The following SNRPN variants were observed in gnomAD, a reference collection of about 807,000 sequenced individuals.
SNRPN encodes the protein small nuclear ribonucleoprotein polypeptide N.
A neutral mutation model predicts 25.2 loss-of-function variants in SNRPN; 7 were observed. The observed-to-expected ratio is 0.28, with a 90% CI of 0.16 to 0.52. SNRPN has a LOEUF of 0.52. SNRPN is among the 20% of genes least tolerant of loss of function. The pLI is 0.96. For missense variants in SNRPN, 196 were observed against 322.5 expected (o/e 0.61, Z 3.00); for synonymous variants, 124 against 110.6 (o/e 1.12, Z -0.76).
chr15:24,866,867 C>T (rs189564599), intron 1 of SNRPN, among the ~76,000 whole-genome samples: 10 of 151,396 alleles, frequency 6.6e-5, no homozygotes, highest in Non-Finnish European at 1.3e-4. Flanking sequence ...GACAGGATTT[C>T]CTTTTTATAT....
At chr15:24,909,313 G>A (rs1364789124) in intron 2 of SNRPN, 2 of 1,603,478 alleles carry the variant, frequency 1.2e-6, no homozygotes, top group African/African-American at 2.7e-5. Context: ...GGATAGACAA[G>A]CCTCCATCCA....
intron 3 of SNRPN, among the ~76,000 whole-genome samples, chr15:24,925,703 C>G (rs2152724182): frequency 6.6e-6 from 1 of 152,082 alleles, no homozygotes; most frequent in Admixed American, 6.5e-5. Context: ...CTCAGCCTCC[C>G]CAGTGGCTGG....
intron 2 of SNRPN, among the ~76,000 whole-genome samples, chr15:24,845,733 TA>T (rs991139442): frequency 1.3e-5 from 2 of 151,316 alleles, no homozygotes; most frequent in African/African-American, 2.4e-5. Flanking sequence ...TCTCAGTTTC[TA>T]AAAAAAATAT....
At chr15:24,840,413 T>G (rs1012731605) in intron 2 of SNRPN, among the ~76,000 whole-genome samples, 1 of 152,202 alleles carries the variant, frequency 6.6e-6, no homozygotes, top group Non-Finnish European at 1.5e-5. Flanking sequence ...AGGCAACTTA[T>G]GTGTCCAAGA....
At chr15:24,911,067 TTG>T in intron 2 of SNRPN, 1 of 1,512,916 alleles carries the variant, frequency 6.6e-7, no homozygotes, top group Admixed American at 1.8e-5. Context: ...GTGTTTCTTC[TTG>T]TGTTTCCTCT....
At chr15:24,921,817 G>T (rs1206390938) in intron 3 of SNRPN, among the ~76,000 whole-genome samples, 1 of 152,156 alleles carries the variant, frequency 6.6e-6, no homozygotes, top group Non-Finnish European at 1.5e-5. Context: ...TAAGTTACCA[G>T]TATTAGTCAC....
chr15:24,953,700 A>G (rs2062464031), upstream of SNRPN, among the ~76,000 whole-genome samples: 1 of 152,234 alleles, frequency 6.6e-6, no homozygotes, highest in Admixed American at 6.5e-5. Flanking sequence ...TCAATGAACT[A>G]TTAGAAATTG....
rs2050864758 is a variant in SNRPN at position 24,834,728 on chromosome 15, C to CT, written c.-579+4823_-579+4824insT. Among the ~76,000 whole-genome samples the CT allele has an allele frequency of 5.8e-4, 25 of 42,802 alleles. 3 individuals are homozygous for CT. The highest frequency in any genetic ancestry group is 1.9e-3 in the South Asian group (2 of 1,044). The allele number at this position is 42,802 out of a possible 152,430, so 28.1% of individuals were successfully genotyped here. A position where few individuals can be genotyped will look rare whatever the true frequency, so the allele number is the denominator to read the frequency against. On this transcript the variant is annotated intron_variant, in intron 2 of 12. Transcript: ENST00000400100. ...GAGTGAGACCTTGTCTCTCTCTCTC[C>CT]CTCTCTCTCTCTCTCTCTCTCTCTA...
chr15:24,890,597 T>C (rs771398246), intron 2 of SNRPN, among the ~76,000 whole-genome samples: 3 of 152,134 alleles, frequency 2.0e-5, no homozygotes, highest in African/African-American at 7.2e-5. Flanking sequence ...GAGAATCGCT[T>C]GAACCCAGGA....
In SNRPN at chr15:24,909,458, T is replaced by C. The variant is rs2059071220; in HGVS notation, c.-504-10553T>C. The stretch of plus-strand genomic sequence containing the variant: ...GTATTCATCGCCAGTCACCTCCACT[T>C]GGCCTTCATAGATCTTGTCCATGCC... On this transcript the variant is annotated intron_variant, in intron 2 of 11. Transcript: ENST00000400097. 4.6e-5 allele frequency: 73 copies of C among 1,585,990 alleles called. No homozygotes were observed. In the South Asian group the frequency reaches 7.5e-4, roughly 16 times the overall value.
chr15:24,955,862 C>T (rs2062771555), intron 1 of SNRPN, among the ~76,000 whole-genome samples: 1 of 151,300 alleles, frequency 6.6e-6, no homozygotes, highest in Non-Finnish European at 1.5e-5. Context: ...AGGCGGTGGG[C>T]ATGGCGGCCG....
chr15:24,856,972 G>A (rs2053458043), intron 1 of SNRPN, among the ~76,000 whole-genome samples: 1 of 151,998 alleles, frequency 6.6e-6, no homozygotes, highest in Non-Finnish European at 1.5e-5. Flanking sequence ...ACTTTTATTA[G>A]GAAAAGCAGA....
intron 3 of SNRPN, among the ~76,000 whole-genome samples, chr15:24,939,100 A>T (rs1351485660): frequency 6.6e-6 from 1 of 152,216 alleles, no homozygotes; most frequent in Non-Finnish European, 1.5e-5. Flanking sequence ...GAAGCTAAGA[A>T]AACCCAGAAC....
chr15:24,909,525 A>T (rs1323238121), intron 2 of SNRPN: 1 of 1,488,196 alleles, frequency 6.7e-7, no homozygotes, highest in Non-Finnish European at 9.3e-7. Context: ...AGGCCAGTAC[A>T]ATATGCTGCA....
chr15:24,938,411 A>T (rs1256927331), intron 3 of SNRPN, among the ~76,000 whole-genome samples: 8 of 152,146 alleles, frequency 5.3e-5, no homozygotes, highest in Non-Finnish European at 1.2e-4. Context: ...TACAGGTGTG[A>T]GCCACCATGC....
chr15:24,830,464 T>C (rs1041132488), intron 2 of SNRPN, among the ~76,000 whole-genome samples: 1 of 152,100 alleles, frequency 6.6e-6, no homozygotes, highest in Non-Finnish European at 1.5e-5. Flanking sequence ...CAATGTTATA[T>C]ATTTTCTCCC....
chr15:24,946,340 G>A (rs894274024), intron 3 of SNRPN, among the ~76,000 whole-genome samples: 1 of 152,184 alleles, frequency 6.6e-6, no homozygotes, highest in African/African-American at 2.4e-5. Context: ...CTAGGAGGTC[G>A]AGGCTGCAGT....
At chr15:24,951,328 C>T (rs1596110558), upstream of SNRPN, among the ~76,000 whole-genome samples, 1 of 152,140 alleles carries the variant, frequency 6.6e-6, no homozygotes, top group Non-Finnish European at 1.5e-5. Context: ...CTCCACAACC[C>T]TTGTCATTGT....
intron 2 of SNRPN, among the ~76,000 whole-genome samples, chr15:24,916,930 A>T (rs2059564260): frequency 6.6e-6 from 1 of 152,234 alleles, no homozygotes; most frequent in African/African-American, 2.4e-5. Flanking sequence ...GCATAGAAGC[A>T]GACTGAGCAG....
Sources: allele counts gnomAD v4.1 joint callset (sites outside exome capture counted in the v4.1 genomes callset), GRCh38; gene constraint gnomAD v4.1.1; transcripts MANE v1.5; gene names NCBI Gene and HGNC (gene_info 2026-07-23, HGNC 2026-07-21).